Variants in TTC27 observed in about 807,000 individuals in gnomAD.
TTC27 encodes tetratricopeptide repeat domain 27.
A neutral mutation model predicts 115.9 loss-of-function variants in TTC27; 79 were observed. The ratio of observed to expected loss-of-function variants is 0.68; its 90% CI spans 0.57 to 0.82. TTC27 has a LOEUF of 0.82. Among genes scored for constraint, TTC27 ranks in the 40% least tolerant of loss-of-function variants. The pLI, the probability that TTC27 is intolerant of heterozygous loss-of-function variation, is 0.00. For synonymous variants in TTC27, 401 were observed against 356.0 expected, an observed-to-expected ratio of 1.13 and a Z score of -1.42; for missense variants, 1,054 against 993.1, an observed-to-expected ratio of 1.06 and a Z score of -0.82.
chr2:32,781,886 C>T (rs1343440820), intron 14 of TTC27, among the ~76,000 whole-genome samples: 1 of 152,214 alleles, frequency 6.6e-6, no homozygotes, highest in African/African-American at 2.4e-5. Context: ...CTCCATTCAG[C>T]TCACAGCTTT....
At chr2:32,768,697 G>T (rs1260567835) in intron 13 of TTC27, among the ~76,000 whole-genome samples, 3 of 152,196 alleles carry the variant, frequency 2.0e-5, no homozygotes, top group Non-Finnish European at 2.9e-5. Flanking sequence ...AATAAGGAAT[G>T]AATATCATGG....
At chr2:32,731,542 T>A (rs1668291933) in intron 10 of TTC27, among the ~76,000 whole-genome samples, 1 of 152,200 alleles carries the variant, frequency 6.6e-6, no homozygotes, top group Admixed American at 6.5e-5. Flanking sequence ...ACCCTGGCTA[T>A]TTTTTAACGA....
At chr2:32,791,008 T>C (rs1238727312) in intron 16 of TTC27, among the ~76,000 whole-genome samples, 2 of 152,220 alleles carry the variant, frequency 1.3e-5, no homozygotes, top group African/African-American at 4.8e-5. Context: ...AACACCTTTG[T>C]CCTAATTTTG....
intron 5 of TTC27, among the ~76,000 whole-genome samples, chr2:32,659,756 A>G (rs1665466935): frequency 6.6e-6 from 1 of 152,078 alleles, no homozygotes; most frequent in South Asian, 2.1e-4. Context: ...ATGAGTGACA[A>G]CATGCAGTGT....
chr2:32,695,765 G>A (rs1254840596), intron 9 of TTC27, among the ~76,000 whole-genome samples: 20 of 148,770 alleles, frequency 1.3e-4, no homozygotes, highest in Admixed American at 2.7e-4. Flanking sequence ...GTGTGGTGGC[G>A]GGTGCCTGTA....
chr2:32,646,926 G>T (rs1345385043), intron 4 of TTC27, among the ~76,000 whole-genome samples: 1 of 150,848 alleles, frequency 6.6e-6, no homozygotes, highest in Non-Finnish European at 1.5e-5. Flanking sequence ...TTAATTTATA[G>T]ATCTGATTTT....
chr2:32,732,261 G>T (rs1275947945), intron 10 of TTC27, among the ~76,000 whole-genome samples: 1 of 152,184 alleles, frequency 6.6e-6, no homozygotes, highest in African/African-American at 2.4e-5. Context: ...AAGTTTCTAT[G>T]AAGTGAGGCC....
chr2:32,764,174 C>T (rs1398640391), intron 13 of TTC27, among the ~76,000 whole-genome samples: 3 of 151,900 alleles, frequency 2.0e-5, no homozygotes, highest in African/African-American at 4.8e-5. Context: ...TTTCCTTAAC[C>T]TCCTCCTCAG....
At chr2:32,795,520 A>G (rs1475908656) in intron 16 of TTC27, among the ~76,000 whole-genome samples, 1 of 149,548 alleles carries the variant, frequency 6.7e-6, no homozygotes, top group Non-Finnish European at 1.5e-5. Flanking sequence ...GAAAGACTGA[A>G]AGCTTCTTTT....
intron 9 of TTC27, among the ~76,000 whole-genome samples, chr2:32,683,432 T>G (rs1666513905): frequency 6.6e-6 from 1 of 152,226 alleles, no homozygotes; most frequent in Non-Finnish European, 1.5e-5. Flanking sequence ...TGATTAACTG[T>G]CCCAAAGTTT....
intron 8 of TTC27, among the ~76,000 whole-genome samples, chr2:32,676,064 T>A (rs542173242): frequency 6.6e-6 from 1 of 152,236 alleles, no homozygotes; most frequent in African/African-American, 2.4e-5. Flanking sequence ...AGTGCTGGGA[T>A]TACAGCTGTG....
intron 8 of TTC27, among the ~76,000 whole-genome samples, chr2:32,673,238 T>TC (rs397739881): frequency 6.6e-6 from 1 of 151,436 alleles, no homozygotes; most frequent in Non-Finnish European, 1.5e-5. Flanking sequence ...TTTTTTTTTT[T>TC]CCTAAGATGG....
intron 13 of TTC27, among the ~76,000 whole-genome samples, chr2:32,776,770 G>A (rs758807034): frequency 7.9e-5 from 12 of 152,022 alleles, no homozygotes; most frequent in African/African-American, 2.4e-4. Flanking sequence ...CGTCATGTCC[G>A]GCTAATTTTT....
intron 10 of TTC27, among the ~76,000 whole-genome samples, chr2:32,723,971 C>CTTTTGTTTTTTTTTTTTTTTTT (rs1668026242): frequency 1.1e-5 from 1 of 92,436 alleles, no homozygotes; most frequent in Non-Finnish European, 2.2e-5. Context: ...CATACATAAG[C>CTTTTGTTTTTTTTTTTTTTTTT]TTTTTTTTTT....
At chr2:32,664,540 T>C (rs71446078) in intron 6 of TTC27, 73 bp downstream of exon 6, 1 of 1,314,350 alleles carries the variant, frequency 7.6e-7, no homozygotes, top group Non-Finnish European at 1.0e-6. Context: ...GTTTGTATTG[T>C]ATGTTGGTAT....
At position 32,630,561 on chromosome 2, in the gene TTC27, T is replaced by C; in HGVS notation, c.127T>C (p.Tyr43His). The C allele has an allele frequency of 6.2e-7, 1 of 1,612,420 alleles. No homozygotes were observed. Among genetic ancestry groups the C allele is most frequent in the South Asian group, 1.1e-5 (1 of 90,890 alleles). Residue 43 changes from tyrosine to histidine, a missense_variant, in exon 2 of 20, where the codon TAT becomes CAT. Physicochemically the swap from Tyr to His is moderately conservative, Grantham distance 83. Coordinates refer to ENST00000317907, the MANE Select transcript of TTC27 (RefSeq NM_017735.5). Reference protein sequence around the residue: ...SFLQLLLEGNYEAIFLNSMTQ... With the variant: ...SFLQLLLEGNHEAIFLNSMTQ... ...CCTACAATTGCTACTGGAAGGGAAC[T>C]ATGAAGCCATATTCTTAAATTCAAT...
Position 32,744,114 on chromosome 2 carries a change from G to A in TTC27, c.1452+7298G>A, listed in dbSNP as rs56337535. 1.5e-3 allele frequency among the ~76,000 whole-genome samples: 235 copies of A among 152,320 alleles called. 1 individual carries two copies. Among genetic ancestry groups the A allele is most frequent in the African/African-American group, 5.4e-3 (224 of 41,570 alleles). On this transcript the variant is annotated intron_variant, in intron 12 of 19. Coordinates refer to ENST00000317907, the MANE Select transcript of TTC27 (RefSeq NM_017735.5). ...TAGATACACATGAGCAAATATTTTA[G>A]TATGACAGTGCTAAGATAAAAGTAT...
At chr2:32,677,941 T>A (rs1016044844) in intron 8 of TTC27, among the ~76,000 whole-genome samples, 1 of 152,228 alleles carries the variant, frequency 6.6e-6, no homozygotes, top group African/African-American at 2.4e-5. Context: ...GTGGCACATA[T>A]TGAATTTCTT....
chr2:32,632,601 T>A (rs1215405250), intron 2 of TTC27, among the ~76,000 whole-genome samples: 1 of 152,246 alleles, frequency 6.6e-6, no homozygotes, highest in Non-Finnish European at 1.5e-5. Context: ...GTTATCTTTT[T>A]TCTCTAATGC....
Sources: gnomAD v4.1 joint callset for allele counts (sites outside exome capture counted in the v4.1 genomes callset) on GRCh38, gnomAD v4.1.1 for gene constraint, MANE v1.5 for transcripts, NCBI Gene and HGNC (gene_info 2026-07-23, HGNC 2026-07-21) for gene names.